The following DOT1L variants were observed in gnomAD, a reference collection of about 807,000 sequenced individuals.
DOT1L encodes the protein histone-lysine N-methyltransferase, H3 lysine-79 specific.
DOT1L carries 33 observed loss-of-function variants against 153.3 expected under a neutral mutation model. The ratio of observed to expected loss-of-function variants is 0.22; its 90% confidence interval spans 0.16 to 0.29. The LOEUF (loss-of-function observed/expected upper bound fraction) is 0.29. DOT1L is among the 10% of genes least tolerant of loss of function. DOT1L has a pLI of 1.00. For missense variants in DOT1L, 1,847 were observed against 2,119.9 expected, an observed-to-expected ratio of 0.87 and a Z score of 2.53; for synonymous variants, 1,135 against 965.1, an observed-to-expected ratio of 1.18 and a Z score of -3.26.
At chr19:2,182,104 A>G (rs111517281) in intron 2 of DOT1L, among the ~76,000 whole-genome samples, 10,952 of 152,064 alleles carry the variant, frequency 0.072, 671 homozygotes, top group African/African-American at 0.16. Context: ...GCAGGTGCCT[A>G]TAGTCCCAGC....
Position 2,208,881 on chromosome 19 carries a change from T to C in DOT1L, c.964-54T>C, listed in dbSNP as rs370784953. ...GTTGTTACCTGGGTGTCCAGACAAA[T>C]CCGAACAGAGATTGGGACTCCCTTC... On this transcript the variant is annotated intron_variant, in intron 11 of 27. Coordinates refer to ENST00000398665, the MANE Select transcript of DOT1L (RefSeq NM_032482.3). The surrounding 1 kb of genome is among the most constrained non-coding windows in gnomAD (Gnocchi z 4.4). The C allele has an allele frequency of 1.1e-3, 1,750 of 1,588,354 alleles. 1 individual carries two copies. Among genetic ancestry groups the C allele is most frequent in the Non-Finnish European group, 1.3e-3 (1,536 of 1,163,364 alleles).
intron 1 of DOT1L, among the ~76,000 whole-genome samples, chr19:2,180,232 A>G (rs2022165530): frequency 6.6e-6 from 1 of 152,124 alleles, no homozygotes; most frequent in Non-Finnish European, 1.5e-5. Flanking sequence ...GTCACATACC[A>G]GGCCTTTGCC....
intron 1 of DOT1L, among the ~76,000 whole-genome samples, chr19:2,168,757 G>A (rs1279010821): frequency 6.6e-6 from 1 of 152,084 alleles, no homozygotes; most frequent in Non-Finnish European, 1.5e-5. Flanking sequence ...TGGGACTACA[G>A]GCACCCGCCA....
chr19:2,182,101 C>G (rs1261029137), intron 2 of DOT1L, among the ~76,000 whole-genome samples: 3 of 152,078 alleles, frequency 2.0e-5, no homozygotes, highest in African/African-American at 7.2e-5. Context: ...GTAGCAGGTG[C>G]CTATAGTCCC....
chr19:2,220,406 G>T lies in DOT1L; in HGVS notation c.2806+184G>T. 1.4e-6 allele frequency: 1 copy of T among 703,798 alleles called. No individual in the cohort carries two copies. The highest frequency in any genetic ancestry group is 2.8e-5 in the East Asian group (1 of 36,224). 43.6% of individuals were successfully genotyped at this position (703,798 alleles called of 1,614,324 possible). ...ATCCCACGAGCTGGGATGCGGATCGGGCTCAGCTGCAGCCATCTCGGCCTC... is the reference window on the plus strand; with the variant it reads ...ATCCCACGAGCTGGGATGCGGATCGTGCTCAGCTGCAGCCATCTCGGCCTC... On this transcript the variant is annotated intron_variant, in intron 23 of 27. Transcript: ENST00000398665. This position sits in a 1 kb window ranked among gnomAD's most constrained non-coding sequence, Gnocchi z 4.5.
rs1306604513 is a variant in DOT1L, at chr19:2,232,546, G to A, written c.*2754G>A. 9.4e-6 allele frequency: 2 copies of A among 213,072 alleles called. No homozygotes were observed. The highest frequency in any genetic ancestry group is 1.9e-5 in the Non-Finnish European group (2 of 105,306). 13.2% of individuals were successfully genotyped at this position (213,072 alleles called of 1,614,324 possible). On this transcript the variant is annotated 3_prime_UTR_variant, in exon 28 of 28. Coordinates refer to ENST00000398665, the MANE Select transcript of DOT1L (RefSeq NM_032482.3). ...CCTGCATTCTGCATCCCCACCTCTA[G>A]ACGCTGTAATAAACAGACTGTTTTC...
chr19:2,225,084 C>A (rs1281284740), intron 25 of DOT1L, among the ~76,000 whole-genome samples: 1 of 152,218 alleles, frequency 6.6e-6, no homozygotes, highest in Non-Finnish European at 1.5e-5. Context: ...GATTCTCACA[C>A]TTCTGTGTGC....
At position 2,217,947 on chromosome 19, in the gene DOT1L, A is replaced by T. The variant is rs1216859079; in HGVS notation, c.2691+29A>T. ...AGTGGCTCCCAGGTGGCTGTCCCCAAGGGCCACGTTGAGGCAAAACAGTCT... is the reference window on the plus strand; with the variant it reads ...AGTGGCTCCCAGGTGGCTGTCCCCATGGGCCACGTTGAGGCAAAACAGTCT... On this transcript the variant is annotated intron_variant, in intron 22 of 27. Transcript: ENST00000398665. This position sits in a 1 kb window ranked among gnomAD's most constrained non-coding sequence, Gnocchi z 7.3. The T allele has an allele frequency of 2.5e-6, 4 of 1,605,596 alleles. No homozygotes were observed. The Admixed American group carries it at 6.7e-5, about 27-fold the overall frequency.
chr19:2,190,666 G>A lies in DOT1L; in HGVS notation c.265-346G>A, dbSNP rs1256878581. Among the ~76,000 whole-genome samples the A allele has an allele frequency of 6.6e-6, 1 of 151,976 alleles. No individual in the cohort carries two copies. The highest frequency in any genetic ancestry group is 2.4e-5 in the African/African-American group (1 of 41,362). On this transcript the variant is annotated intron_variant, in intron 4 of 27. Coordinates refer to ENST00000398665, the MANE Select transcript of DOT1L (RefSeq NM_032482.3). This position sits in a 1 kb window ranked among gnomAD's most constrained non-coding sequence, Gnocchi z 4.8. ...CGTGGCACCTGACGGGGGTCCCTTG[G>A]TGTCAGCGCCCCACCCTGCTGCCTT...
In DOT1L at chr19:2,223,277, T is replaced by G; in HGVS notation, c.3391-4T>G. Reference sequence around the variant, plus strand: ...GTGCATCCATTGTGTCTGTCTGCCCTCAGGTCAGTAACATCAACCAGCCCC... The same window carrying G: ...GTGCATCCATTGTGTCTGTCTGCCCGCAGGTCAGTAACATCAACCAGCCCC... On this transcript the variant is annotated splice_polypyrimidine_tract_variant and splice_region_variant and intron_variant, in intron 24 of 27. Coordinates refer to ENST00000398665, the MANE Select transcript of DOT1L (RefSeq NM_032482.3). 1 of 1,613,188 alleles carries G rather than the reference T, an allele frequency of 6.2e-7. No individual in the cohort carries two copies. Among genetic ancestry groups the G allele is most frequent in the Non-Finnish European group, 8.5e-7 (1 of 1,179,860 alleles).
rs376875796 is a variant in DOT1L, at chr19:2,207,714, G to T, written c.963+34G>T. 5 of 1,564,242 alleles carry T rather than the reference G, an allele frequency of 3.2e-6. No homozygotes were observed. The Admixed American group carries it at 7.2e-5, about 22-fold the overall frequency. ...CTCGCTGCGCCTCAGCCGCAGGGCC[G>T]TCCTGGTCTTCCACCCCGCCCACGT... is the stretch of plus-strand genomic sequence containing the variant. On this transcript the variant is annotated intron_variant, in intron 11 of 27. Transcript: ENST00000398665. This position sits in a 1 kb window ranked among gnomAD's most constrained non-coding sequence, Gnocchi z 4.5.
chr19:2,196,248 C>G (rs557204377), intron 7 of DOT1L, among the ~76,000 whole-genome samples: 1 of 152,388 alleles, frequency 6.6e-6, no homozygotes, highest in East Asian at 1.9e-4. Context: ...CCCTTGCCAA[C>G]TGGCTCTGCC....
In DOT1L at chr19:2,214,023, A is replaced by G. The variant is rs774595253; in HGVS notation, c.1797+37A>G. ...GGCGCAAGGACAGGGACGTGGAACC[A>G]GAGGGGCCCTGCCTGGGCGGGTGTG... On this transcript the variant is annotated intron_variant, in intron 18 of 27. Transcript: ENST00000398665. The G allele has an allele frequency of 1.9e-6, 3 of 1,601,368 alleles. No homozygotes were observed. The South Asian group carries it at 3.3e-5, about 18-fold the overall frequency.
At chr19:2,181,032 C>T (rs1051287331) in intron 2 of DOT1L, among the ~76,000 whole-genome samples, 4 of 152,212 alleles carry the variant, frequency 2.6e-5, no homozygotes, top group African/African-American at 7.2e-5. Flanking sequence ...AGTCTCCCTG[C>T]TGTGGGTTTT....
Position 2,222,495 on chromosome 19 carries a change from C to G in DOT1L, c.3326C>G (p.Ala1109Gly). Residue 1109 changes from alanine (A) to glycine (G), a missense_variant, in exon 24 of 28, where the codon GCC (alanine) becomes GGC (glycine). This residue lies in a region of DOT1L where 934 missense variants were observed against 825.3 expected (regional missense o/e 1.13). Coordinates refer to ENST00000398665, the MANE Select transcript of DOT1L (RefSeq NM_032482.3). The surrounding 1 kb of genome is among the most constrained non-coding windows in gnomAD (Gnocchi z 6.5). ...GCAGGCGTGTCCCCCAAGCGCCGAG[C>G]CCTGCCGTCCGTCGCTGGCCTTTTC... ...LSAGVSPKRR[A>G]LPSVAGLFTQ... 6.3e-7 allele frequency: 1 copy of G among 1,587,964 alleles called. No individual in the cohort carries two copies. Among genetic ancestry groups the G allele is most frequent in the Non-Finnish European group, 8.5e-7 (1 of 1,170,348 alleles).
rs371971765 is a variant in DOT1L at position 2,231,730 on chromosome 19, G to C, written c.*1938G>C. The C allele has an allele frequency of 4.7e-6, 1 of 213,402 alleles. No homozygotes were observed. Among genetic ancestry groups the C allele is most frequent in the Non-Finnish European group, 9.5e-6 (1 of 105,634 alleles). The allele number at this position is 213,402 out of a possible 1,614,324, so 13.2% of individuals were successfully genotyped here. A position where few individuals can be genotyped will look rare whatever the true frequency, so the allele number is the denominator to read the frequency against. On this transcript the variant is annotated 3_prime_UTR_variant, in exon 28 of 28. Transcript: ENST00000398665. ...ACGCCACAGGGTTGATGGCAGAGAC[G>C]GCCGAGTCCCTGGTCTAGAACAAGA...
intron 1 of DOT1L, among the ~76,000 whole-genome samples, chr19:2,177,046 T>G (rs1202262165): frequency 6.6e-6 from 1 of 152,174 alleles, no homozygotes; most frequent in Non-Finnish European, 1.5e-5. Flanking sequence ...TCGCTTCAGA[T>G]GCGTAGAACC....
In DOT1L at chr19:2,211,193, C is replaced by T. The variant is rs201719499; in HGVS notation, c.1446C>T (p.Pro482=). The change falls in exon 15 of 28, where the codon CCC becomes CCT. Residue 482 remains proline (P), a synonymous_variant. Coordinates refer to ENST00000398665, the MANE Select transcript of DOT1L (RefSeq NM_032482.3). The part of the protein sequence containing the change: ...PNPLLVAPTP[P]ALQKLLESFK... ...CGCTGCTGGTGGCGCCCACCCCGCC[C>T]GCGCTGCAGAAGCTTCTAGGTGAGC... is the stretch of plus-strand genomic sequence containing the variant. 1.4e-3 allele frequency: 2,235 copies of T among 1,610,626 alleles called. 39 individuals carry two copies. The highest frequency in any genetic ancestry group is 1.7e-4 in the Middle Eastern group (1 of 6,052).
In DOT1L at chr19:2,229,608, C is replaced by T. The variant is rs1017268941; in HGVS notation, c.4607-177C>T. ...AGGTGTCAGGCTCCCTGGTCTGTCA[C>T]GGGGCACGCCCGTCGTCTGTTGTGG... On this transcript the variant is annotated intron_variant, in intron 27 of 27. Transcript: ENST00000398665. 31 of 985,326 alleles carry T rather than the reference C, an allele frequency of 3.1e-5. 1 individual carries two copies. Among genetic ancestry groups the T allele is most frequent in the African/African-American group, 1.6e-4 (9 of 57,248 alleles). The allele number at this position is 985,326 out of a possible 1,614,324, so 61.0% of individuals were successfully genotyped here.
Sources: gnomAD v4.1 joint callset for allele counts (sites outside exome capture counted in the v4.1 genomes callset) on GRCh38, gnomAD v4.1.1 for gene constraint, gnomAD v4.1.1 regional missense constraint, Gnocchi (gnomAD v3.1) non-coding constraint, MANE v1.5 for transcripts, NCBI Gene and HGNC (gene_info 2026-07-23, HGNC 2026-07-21) for gene names.